Variants in PPP6R3 observed in about 807,000 individuals in gnomAD.
PPP6R3 encodes the protein serine/threonine-protein phosphatase 6 regulatory subunit 3.
A neutral mutation model predicts 110.7 loss-of-function variants in PPP6R3; 38 were observed. That is an observed-to-expected ratio of 0.34 (90% CI 0.26 to 0.45). The LOEUF (loss-of-function observed/expected upper bound fraction) is 0.45, where lower values mean the gene tolerates loss of function less well. Ranked by LOEUF, PPP6R3 falls within the 20% of genes least tolerant of loss-of-function variation. The pLI, the probability that PPP6R3 is intolerant of heterozygous loss-of-function variation, is 1.00. For synonymous variants in PPP6R3, 369 were observed against 373.5 expected (o/e 0.99, Z 0.14); for missense variants, 870 against 1,062.4 (o/e 0.82, Z 2.52).
In PPP6R3 at chr11:68,478,655, T is replaced by TTTTTTTTG. The variant is rs1555023592; in HGVS notation, c.-158+17835_-158+17836insGTTTTTTT. 1.7e-5 allele frequency among the ~76,000 whole-genome samples: 2 copies of TTTTTTTTG among 115,864 alleles called. 1 individual carries two copies. Among genetic ancestry groups the TTTTTTTTG allele is most frequent in the Non-Finnish European group, 3.5e-5 (2 of 56,656 alleles). 76.0% of individuals were successfully genotyped at this position (115,864 alleles called of 152,430 possible). A position where few individuals can be genotyped will look rare whatever the true frequency, so the allele number is the denominator to read the frequency against. On this transcript the variant is annotated intron_variant, in intron 1 of 23. Transcript: ENST00000393800. Reference sequence around the variant, plus strand: ...GTTAGTGCACTTGGTAAGTTTTTTTTTTTTTTTTTTTTTTTTTGAGAAGAT... The same window carrying TTTTTTTTG: ...GTTAGTGCACTTGGTAAGTTTTTTTTTTTTTTTGTTTTTTTTTTTTTTTTTGAGAAGAT...
At chr11:68,484,616 T>C (rs2098934914) in intron 1 of PPP6R3, among the ~76,000 whole-genome samples, 1 of 151,836 alleles carries the variant, frequency 6.6e-6, no homozygotes, top group African/African-American at 2.4e-5. Flanking sequence ...AGACGGAGTT[T>C]CGCTCTTGTT....
chr11:68,594,232 A>C (rs1176111819), intron 18 of PPP6R3, among the ~76,000 whole-genome samples: 2 of 150,954 alleles, frequency 1.3e-5, no homozygotes, highest in Admixed American at 1.3e-4. Flanking sequence ...ATTCTAGCCT[A>C]AGCGATATAG....
At chr11:68,570,904 A>T (rs888732219) in intron 11 of PPP6R3, 136 bp from the exon 12 acceptor site, 60 of 1,067,676 alleles carry the variant, frequency 5.6e-5, no homozygotes, top group Non-Finnish European at 4.8e-5. Flanking sequence ...ATTGATGATC[A>T]CATTGCATTT....
chr11:68,547,523 C>T (rs1181912592), intron 4 of PPP6R3, among the ~76,000 whole-genome samples: 1 of 152,200 alleles, frequency 6.6e-6, no homozygotes, highest in African/African-American at 2.4e-5. Context: ...ACCAGCTGCC[C>T]TTCTTGTGCT....
At chr11:68,564,826 GA>G (rs1449132719) in intron 9 of PPP6R3, among the ~76,000 whole-genome samples, 1 of 152,210 alleles carries the variant, frequency 6.6e-6, no homozygotes, top group African/African-American at 2.4e-5. Context: ...CCTTATTTAA[GA>G]AAGAGTAGGT....
intron 19 of PPP6R3, among the ~76,000 whole-genome samples, chr11:68,596,869 T>C (rs1481617827): frequency 1.3e-5 from 2 of 152,184 alleles, no homozygotes; most frequent in Non-Finnish European, 2.9e-5. Flanking sequence ...CAAGGCCTTT[T>C]TTATGTTCAT....
rs1234417537 is a variant in PPP6R3, at chr11:68,600,419, T to C, written c.2117T>C (p.Val706Ala). The C allele has an allele frequency of 6.2e-7, 1 of 1,614,130 alleles. No individual in the cohort carries two copies. The highest frequency in any genetic ancestry group is 8.5e-7 in the Non-Finnish European group (1 of 1,180,014). ...GAPLDSVGSD[V>A]WSTEEPMPTK... is the part of the protein sequence containing the mutation. ...CCATTGGATTCTGTGGGATCTGATG[T>C]CTGGAGCACAGAGGAGCCGATGCCA... Residue 706 changes from valine to alanine, a missense_variant, in exon 20 of 24, where the codon GTC (valine) becomes GCC (alanine). Transcript: ENST00000393800.
chr11:68,583,531 C>T (rs542606252), intron 15 of PPP6R3, among the ~76,000 whole-genome samples: 4 of 152,168 alleles, frequency 2.6e-5, no homozygotes, highest in Admixed American at 6.5e-5. Context: ...TAAACTCTCA[C>T]GAATACCCCT....
chr11:68,466,274 T>C (rs1330705507), intron 1 of PPP6R3, among the ~76,000 whole-genome samples: 1 of 152,158 alleles, frequency 6.6e-6, no homozygotes, highest in African/African-American at 2.4e-5. Context: ...GGGAGATAGT[T>C]GCTAGTTAGA....
At chr11:68,536,982 CT>C (rs961630994) in intron 2 of PPP6R3, among the ~76,000 whole-genome samples, 2 of 152,054 alleles carry the variant, frequency 1.3e-5, no homozygotes, top group Non-Finnish European at 2.9e-5. Flanking sequence ...CAAATAAGTA[CT>C]TTTTTTAGCT....
At chr11:68,598,161 CAT>C (rs2099619830) in intron 19 of PPP6R3, among the ~76,000 whole-genome samples, 1 of 152,190 alleles carries the variant, frequency 6.6e-6, no homozygotes, top group African/African-American at 2.4e-5. Context: ...CTAGGGATCT[CAT>C]ATAAATGGAA....
At chr11:68,610,172 T>A (rs1239459692) in intron 23 of PPP6R3, 149 bp downstream of exon 23, 1 of 1,117,552 alleles carries the variant, frequency 8.9e-7, no homozygotes, top group Non-Finnish European at 1.2e-6. Context: ...TCTCAGTCCT[T>A]AATGAGCTGA....
At position 68,532,210 on chromosome 11, in the gene PPP6R3, T is replaced by A. The variant is rs534266120; in HGVS notation, c.-6-5449T>A. On this transcript the variant is annotated intron_variant, in intron 2 of 23. Transcript: ENST00000393800. ...GATATCATGAAGGTTTTAAAATAAT[T>A]TTAGAGGGTCATTAAGTAAAGCAGT... is the stretch of plus-strand genomic sequence containing the variant. Among the ~76,000 whole-genome samples, 8 of 152,316 alleles carry A rather than the reference T, an allele frequency of 5.3e-5. No individual in the cohort carries two copies. In the East Asian group the frequency reaches 1.5e-3, roughly 29 times the overall value.
At chr11:68,593,561 T>C (rs945137571) in intron 18 of PPP6R3, among the ~76,000 whole-genome samples, 2 of 152,216 alleles carry the variant, frequency 1.3e-5, no homozygotes, top group Non-Finnish European at 2.9e-5. Context: ...CGAAAAGTTA[T>C]TGTTAATAAG....
At chr11:68,567,459 G>T (rs2099481286) in intron 10 of PPP6R3, among the ~76,000 whole-genome samples, 1 of 152,200 alleles carries the variant, frequency 6.6e-6, no homozygotes, top group Non-Finnish European at 1.5e-5. Context: ...TGACTGCTGG[G>T]TGCAGCATTG....
intron 15 of PPP6R3, chr11:68,586,132 A>G (rs578006332): frequency 4.6e-5 from 7 of 152,094 alleles, no homozygotes; most frequent in Non-Finnish European, 8.8e-5. Flanking sequence ...TTGGAGGGGA[A>G]AAATAAAACA....
rs79067720 is a variant in PPP6R3, at chr11:68,596,825, T to C, written c.2038+607T>C. On this transcript the variant is annotated intron_variant, in intron 19 of 23. Transcript: ENST00000393800. ...GAGCCATATGGGCTGATAGCGAGGC[T>C]TGCCCCAAGCCTGGCCAGTCTCTGA... Among the ~76,000 whole-genome samples the C allele has an allele frequency of 9.1e-3, 1,385 of 152,308 alleles. 20 individuals carry two copies. The highest frequency in any genetic ancestry group is 0.032 in the African/African-American group (1,328 of 41,554).
intron 6 of PPP6R3, among the ~76,000 whole-genome samples, chr11:68,553,549 T>C (rs2099388999): frequency 6.6e-6 from 1 of 152,120 alleles, no homozygotes; most frequent in South Asian, 2.1e-4. Flanking sequence ...TGCCTCAGTC[T>C]CCCAAAGTGC....
At chr11:68,609,162 T>G (rs1255293623) in intron 22 of PPP6R3, among the ~76,000 whole-genome samples, 2 of 151,540 alleles carry the variant, frequency 1.3e-5, no homozygotes, top group Non-Finnish European at 2.9e-5. Flanking sequence ...CTGAGGAGAG[T>G]GTCTCTTGTG....
Sources: gnomAD v4.1 joint callset for allele counts (sites outside exome capture counted in the v4.1 genomes callset) on GRCh38, gnomAD v4.1.1 for gene constraint, MANE v1.5 for transcripts, NCBI Gene and HGNC (gene_info 2026-07-23, HGNC 2026-07-21) for gene names.